POLRMT: variants seen among roughly 807,000 people sequenced by gnomAD.
POLRMT encodes the protein DNA-directed RNA polymerase, mitochondrial.
POLRMT carries 114 observed loss-of-function variants against 132.2 expected under a neutral mutation model. That is an observed-to-expected ratio of 0.86 (90% CI 0.74 to 1.01). POLRMT has a LOEUF of 1.01. Among genes scored for constraint, POLRMT ranks in the 50% least tolerant of loss-of-function variants. POLRMT has a pLI of 0.00. For missense variants in POLRMT, 2,003 were observed against 1,729.1 expected, an observed-to-expected ratio of 1.16 and a Z score of -2.81; for synonymous variants, 1,020 against 773.4, an observed-to-expected ratio of 1.32 and a Z score of -5.29.
rs1239063012 is a variant in POLRMT, at chr19:620,065, C to G, written c.2779G>C (p.Gly927Arg). ...LPVHQDGSCN[G>R]LQHYAALGRD... Reference sequence around the variant, plus strand: ...CCCAGAGCAGCATAATGCTGCAGGCCGTTGCAAGAGCCGTCCTGAGGAAGG... The same window carrying G: ...CCCAGAGCAGCATAATGCTGCAGGCGGTTGCAAGAGCCGTCCTGAGGAAGG... The change falls in exon 12 of 21, where the codon GGC becomes CGC. Residue 927 changes from glycine (G) to arginine (R), a missense_variant. Physicochemically the swap from Gly to Arg is moderately radical, Grantham distance 125 (BLOSUM62 -2). Transcript: ENST00000588649. The G allele has an allele frequency of 1.3e-6, 2 of 1,544,628 alleles. No individual in the cohort carries two copies. Among genetic ancestry groups the G allele is most frequent in the Non-Finnish European group, 1.7e-6 (2 of 1,149,998 alleles).
Position 622,591 on chromosome 19 carries a change from G to A in POLRMT, c.1617C>T (p.Ser539=), listed in dbSNP as rs752650391. ...GGGGTGCGAGCCTCACCTCGGCGTC[G>A]GAGGCCAGCAAGCAGAGGTACTTCC... The part of the protein sequence containing the change: ...HYRKYLCLLA[S]DAEVPEPCLP... The change falls in exon 8 of 21, where the codon TCC becomes TCT. Residue 539 remains serine (S), a synonymous_variant. Coordinates refer to ENST00000588649, the MANE Select transcript of POLRMT (RefSeq NM_005035.4). 9 of 1,600,992 alleles carry A rather than the reference G, an allele frequency of 5.6e-6. No homozygotes were observed. Among genetic ancestry groups the A allele is most frequent in the Middle Eastern group, 2.3e-4 (1 of 4,430 alleles).
Position 617,675 on chromosome 19 carries a change from T to TC in POLRMT, c.3496-21dup, listed in dbSNP as rs1568373064. Reference sequence around the variant, plus strand: ...GCACACCTGGGCAGGAGTCAGAGGATCCCCAGGGGTGATCAGGCAGGCTCT... The same window carrying TC: ...GCACACCTGGGCAGGAGTCAGAGGATCCCCCAGGGGTGATCAGGCAGGCTCT... On this transcript the variant is annotated intron_variant, in intron 18 of 20. Transcript: ENST00000588649. 10 of 1,612,270 alleles carry TC rather than the reference T, an allele frequency of 6.2e-6. No homozygotes were observed. The highest frequency in any genetic ancestry group is 1.3e-5 in the African/African-American group (1 of 74,826).
At chr19:631,905 G>C (rs1985444986) in intron 2 of POLRMT, among the ~76,000 whole-genome samples, 1 of 152,150 alleles carries the variant, frequency 6.6e-6, no homozygotes. Flanking sequence ...CTCCTGAGTA[G>C]CTGGCACTGC....
At position 618,593 on chromosome 19, in the gene POLRMT, A is replaced by C. The variant is rs1401870698; in HGVS notation, c.3324-7T>G. The stretch of plus-strand genomic sequence containing the variant: ...CTTACGTGTGTTGGGCTTTCTGAGG[A>C]CGGAACAGGTGCCGGTGGGGGCGGC... On this transcript the variant is annotated splice_region_variant and splice_polypyrimidine_tract_variant and intron_variant, in intron 16 of 20. Transcript: ENST00000588649. The C allele has an allele frequency of 6.2e-7, 1 of 1,609,310 alleles. No individual in the cohort carries two copies. The highest frequency in any genetic ancestry group is 8.5e-7 in the Non-Finnish European group (1 of 1,176,452).
rs1047664342 is a variant in POLRMT, at chr19:630,178, G to A, written c.194-10C>T. On this transcript the variant is annotated splice_polypyrimidine_tract_variant and intron_variant, in intron 2 of 20. Transcript: ENST00000588649. ...ACCCGCGCCTGGAGCACTGTGAGGG[G>A]CAGAAGGCGAGGACATGAGAGGGAC... The A allele has an allele frequency of 4.4e-6, 7 of 1,574,202 alleles. No individual in the cohort carries two copies. The highest frequency in any genetic ancestry group is 6.0e-6 in the Non-Finnish European group (7 of 1,159,074).
chr19:633,465 G>A lies in POLRMT; in HGVS notation c.48C>T (p.Ala16=). The A allele has an allele frequency of 1.3e-6, 2 of 1,564,216 alleles. No homozygotes were observed. The highest frequency in any genetic ancestry group is 1.4e-5 in the African/African-American group (1 of 70,900). ...GTCCCGGGCGGCCGCAAGGCCGTAG[G>A]GCTCGTTTGAGCCCCGCCGCTCCGC... ...WGRGAAGLKR[A]LRPCGRPGLP... is the part of the protein sequence containing the mutation. Residue 16 remains alanine, a synonymous_variant, in exon 1 of 21, where the codon GCC becomes GCT. Coordinates refer to ENST00000588649, the MANE Select transcript of POLRMT (RefSeq NM_005035.4).
At chr19:622,119 C>T (rs535952043) in intron 9 of POLRMT, 30 bp downstream of exon 9, 3 of 1,511,892 alleles carry the variant, frequency 2.0e-6, no homozygotes, top group Non-Finnish European at 2.7e-6. Flanking sequence ...AGCGGGATGC[C>T]CCCCAGCTCA....
At position 624,743 on chromosome 19, in the gene POLRMT, C is replaced by T; in HGVS notation, c.1116G>A (p.Lys372=). 1 of 1,613,808 alleles carries T rather than the reference C, an allele frequency of 6.2e-7. No individual in the cohort carries two copies. The highest frequency in any genetic ancestry group is 8.5e-7 in the Non-Finnish European group (1 of 1,179,956). The change falls in exon 5 of 21, where the codon AAG becomes AAA. Residue 372 remains lysine (K), a synonymous_variant. Transcript: ENST00000588649. ...CCTTGGCATACACGTCCCTGAGCAG[C>T]TTGGAGGTGTTGACCGGGGGCGGCA... ...PQLPPPVNTS[K]LLRDVYAKDG...
Position 617,342 on chromosome 19 carries a change from G to T in POLRMT, c.3644-19C>A, listed in dbSNP as rs568625416. On this transcript the variant is annotated intron_variant, in intron 20 of 20. Transcript: ENST00000588649. Reference sequence around the variant, plus strand: ...AAGGCCCCTGCGGAGGAAGCAGAGCGGACGGCGTGGGTGGCGGGAAAGCCC... The same window carrying T: ...AAGGCCCCTGCGGAGGAAGCAGAGCTGACGGCGTGGGTGGCGGGAAAGCCC... The T allele has an allele frequency of 1.4e-5, 22 of 1,612,628 alleles. No individual in the cohort carries two copies. Among genetic ancestry groups the T allele is most frequent in the Admixed American group, 1.7e-5 (1 of 60,012 alleles).
chr19:623,104 T>C (rs1416837635), intron 6 of POLRMT, 119 bp from the exon 7 acceptor site: 11 of 1,286,972 alleles, frequency 8.5e-6, no homozygotes, highest in Non-Finnish European at 1.2e-5. Flanking sequence ...CCCTGCTGTG[T>C]GTTCCGGGTA....
At chr19:618,122 T>A (rs1221186148) in intron 17 of POLRMT, 2 of 564,506 alleles carry the variant, frequency 3.5e-6, no homozygotes, top group African/African-American at 3.8e-5. Flanking sequence ...GGCTACGAGG[T>A]CCCCTCCTGC....
chr19:633,281 G>A (rs1985562348), intron 1 of POLRMT, 144 bp downstream of exon 1: 1 of 1,047,814 alleles, frequency 9.5e-7, no homozygotes, highest in South Asian at 2.5e-5. Context: ...GCGGGCAAGG[G>A]CGAGTGGAAA....
intron 10 of POLRMT, 34 bp from the exon 11 acceptor site, chr19:620,521 C>G (rs546616967): frequency 2.0e-6 from 3 of 1,508,900 alleles, no homozygotes; most frequent in Non-Finnish European, 1.8e-6. Flanking sequence ...CAGTGAGGCC[C>G]GGGCCCGATC....
intron 2 of POLRMT, among the ~76,000 whole-genome samples, chr19:632,102 C>T (rs1985460274): frequency 1.3e-5 from 2 of 148,994 alleles, no homozygotes; most frequent in Admixed American, 6.7e-5. Context: ...ATCCGCCCAC[C>T]TTGGCCACCC....
intron 6 of POLRMT, 45 bp downstream of exon 6, chr19:623,409 G>C: frequency 6.3e-7 from 1 of 1,594,004 alleles, no homozygotes; most frequent in Non-Finnish European, 8.5e-7. Flanking sequence ...ACGCGACCCC[G>C]GCTCAGCCCC....
In POLRMT at chr19:623,004, C is replaced by T. The variant is rs1208265460; in HGVS notation, c.1291-19G>A. 6.2e-7 allele frequency: 1 copy of T among 1,607,716 alleles called. No homozygotes were observed. The highest frequency in any genetic ancestry group is 1.1e-5 in the South Asian group (1 of 90,514). On this transcript the variant is annotated intron_variant, in intron 6 of 20. Transcript: ENST00000588649. ...TCTTCCGCTGCGGGGGATGAACGGGCCCGGTGAGCCCCGTGGCAGCTGGTG... is the reference window on the plus strand; with the variant it reads ...TCTTCCGCTGCGGGGGATGAACGGGTCCGGTGAGCCCCGTGGCAGCTGGTG...
chr19:617,482 T>TG lies in POLRMT; in HGVS notation c.3582-3dup. 1 of 1,477,684 alleles carries TG rather than the reference T, an allele frequency of 6.8e-7. No individual in the cohort carries two copies. Among genetic ancestry groups the TG allele is most frequent in the Non-Finnish European group, 9.1e-7 (1 of 1,100,886 alleles). 91.5% of individuals were successfully genotyped at this position (1,477,684 alleles called of 1,614,324 possible). On this transcript the variant is annotated splice_region_variant and splice_polypyrimidine_tract_variant and intron_variant, in intron 19 of 20. Transcript: ENST00000588649. ...CTGGCCTCCAAGATCTTCTGGGGCC[T>TG]GGGGTTGGAAGCAGGGTGGGGTGAG...
rs57880842 is a variant in POLRMT at position 633,529 on chromosome 19, G to GGCGCCGCCGCCGCCGCCGCCGCCACCGCC, written c.-18_-17insGGCGGTGGCGGCGGCGGCGGCGGCGGCGC. 2.0e-6 allele frequency: 3 copies of GGCGCCGCCGCCGCCGCCGCCGCCACCGCC among 1,463,692 alleles called. No homozygotes were observed. Among genetic ancestry groups the GGCGCCGCCGCCGCCGCCGCCGCCACCGCC allele is most frequent in the African/African-American group, 1.5e-5 (1 of 66,424 alleles). The allele number at this position is 1,463,692 out of a possible 1,614,324, so 90.7% of individuals were successfully genotyped here. On this transcript the variant is annotated 5_prime_UTR_variant, in exon 1 of 21. Transcript: ENST00000588649. ...TGCCGACATTACGCACGCCGCTCCA[G>GGCGCCGCCGCCGCCGCCGCCGCCACCGCC]GCCACCCCACCGGCCCGCGCCTGCG...
At chr19:626,558 AG>A (rs1985027413) in intron 3 of POLRMT, among the ~76,000 whole-genome samples, 1 of 146,510 alleles carries the variant, frequency 6.8e-6, no homozygotes, top group Non-Finnish European at 1.5e-5. Flanking sequence ...AGGCCAAGAC[AG>A]GAGGATCACA....
Sources: gnomAD v4.1 joint callset for allele counts (sites outside exome capture counted in the v4.1 genomes callset) on GRCh38, gnomAD v4.1.1 for gene constraint, MANE v1.5 for transcripts, NCBI Gene and HGNC (gene_info 2026-07-23, HGNC 2026-07-21) for gene names.